Variants in AKT3 observed in about 807,000 individuals in gnomAD.
AKT3 encodes the protein AKT serine/threonine kinase 3.
AKT3 carries 15 observed loss-of-function variants against 65.3 expected under a neutral mutation model. That is an observed-to-expected ratio of 0.23 (90% CI 0.15 to 0.35). The LOEUF (loss-of-function observed/expected upper bound fraction) is 0.35. Among genes scored for constraint, AKT3 ranks in the 10% least tolerant of loss-of-function variants. The pLI is 1.00. For missense variants in AKT3, 243 were observed against 576.5 expected, an observed-to-expected ratio of 0.42 and a Z score of 5.92; for synonymous variants, 206 against 183.8, an observed-to-expected ratio of 1.12 and a Z score of -0.98.
At chr1:243,710,442 T>C (rs1478780767) in intron 2 of AKT3, among the ~76,000 whole-genome samples, 1 of 152,190 alleles carries the variant, frequency 6.6e-6, no homozygotes, top group Non-Finnish European at 1.5e-5. Context: ...TAGCACTCCA[T>C]TCAAAAGTGA....
intron 10 of AKT3, among the ~76,000 whole-genome samples, chr1:243,555,518 C>G (rs576993457): frequency 2.6e-5 from 4 of 152,124 alleles, no homozygotes. Context: ...GACAATTTTT[C>G]TCCCTCTACT....
chr1:243,500,165 G>T lies in AKT3; in HGVS notation c.*5084C>A. On this transcript the variant is annotated 3_prime_UTR_variant, in exon 14 of 14. Coordinates refer to ENST00000673466, the MANE Select transcript of AKT3 (RefSeq NM_005465.7). ...ACCAAAAAGGCACATATTTTAACTA[G>T]GCCAAAGTATATTAAGGACCAAACT... The T allele has an allele frequency of 3.5e-6, 1 of 286,202 alleles. No individual in the cohort carries two copies. The highest frequency in any genetic ancestry group is 6.6e-6 in the Non-Finnish European group (1 of 150,876). 17.7% of individuals were successfully genotyped at this position (286,202 alleles called of 1,614,324 possible).
chr1:243,574,602 T>C (rs1352053199), intron 8 of AKT3, among the ~76,000 whole-genome samples: 2 of 152,172 alleles, frequency 1.3e-5, no homozygotes, highest in African/African-American at 4.8e-5. Flanking sequence ...ATACAGTATG[T>C]GAAAAATCAA....
intron 13 of AKT3, among the ~76,000 whole-genome samples, chr1:243,509,753 T>C (rs1669905187): frequency 6.6e-6 from 1 of 151,750 alleles, no homozygotes; most frequent in South Asian, 2.1e-4. Context: ...GAAAATAGGG[T>C]GATTCAAATT....
chr1:243,665,028 C>T (rs1256592136), intron 3 of AKT3, 145 bp from the exon 4 acceptor site: 1 of 383,012 alleles, frequency 2.6e-6, no homozygotes, highest in Non-Finnish European at 4.6e-6. Flanking sequence ...TTATTTACAG[C>T]CTGACCTTAG....
intron 8 of AKT3, among the ~76,000 whole-genome samples, chr1:243,596,546 C>T (rs1309946998): frequency 1.3e-5 from 2 of 152,190 alleles, no homozygotes; most frequent in Non-Finnish European, 2.9e-5. Context: ...TACTCCCACA[C>T]ACTCGTTAGA....
chr1:243,513,137 G>A (rs1386015195), intron 12 of AKT3, among the ~76,000 whole-genome samples: 1 of 152,188 alleles, frequency 6.6e-6, no homozygotes, highest in Non-Finnish European at 1.5e-5. Context: ...TAGGGAAGGT[G>A]GGGGTGGAAG....
intron 2 of AKT3, among the ~76,000 whole-genome samples, chr1:243,761,690 C>T (rs867453739): frequency 6.6e-6 from 1 of 152,098 alleles, no homozygotes; most frequent in Admixed American, 6.5e-5. Flanking sequence ...CATTTAAACA[C>T]ATTAAATGAC....
chr1:243,633,386 T>C (rs966339488), intron 6 of AKT3, among the ~76,000 whole-genome samples: 15 of 152,198 alleles, frequency 9.9e-5, no homozygotes, highest in South Asian at 2.1e-4. Flanking sequence ...GTTTGTGTTG[T>C]AATACCACTT....
intron 12 of AKT3, among the ~76,000 whole-genome samples, chr1:243,531,439 G>A (rs1671520563): frequency 6.6e-6 from 1 of 152,086 alleles, no homozygotes; most frequent in Non-Finnish European, 1.5e-5. Flanking sequence ...AGCAAATATT[G>A]TCCTGAAGTT....
chr1:243,575,504 A>G (rs1674873893), intron 8 of AKT3, among the ~76,000 whole-genome samples: 1 of 152,206 alleles, frequency 6.6e-6, no homozygotes, highest in Admixed American at 6.5e-5. Flanking sequence ...TATATCAATC[A>G]TAACTCAATA....
intron 12 of AKT3, among the ~76,000 whole-genome samples, chr1:243,529,496 C>T (rs992514403): frequency 2.0e-5 from 3 of 151,962 alleles, no homozygotes; most frequent in Non-Finnish European, 4.4e-5. Context: ...GTCCAGTTTC[C>T]ACCTTCTCTG....
chr1:243,574,209 G>A (rs1674772957), intron 8 of AKT3, among the ~76,000 whole-genome samples: 1 of 151,946 alleles, frequency 6.6e-6, no homozygotes, highest in African/African-American at 2.4e-5. Context: ...ATTATTTCAA[G>A]TAACATAAAA....
chr1:243,753,615 T>C (rs1274409074), intron 2 of AKT3, among the ~76,000 whole-genome samples: 2 of 152,220 alleles, frequency 1.3e-5, no homozygotes, highest in Non-Finnish European at 2.9e-5. Context: ...TACTGTTCTT[T>C]TGTACCTCAA....
chr1:243,674,601 T>C (rs1301346138), intron 3 of AKT3, among the ~76,000 whole-genome samples: 4 of 152,200 alleles, frequency 2.6e-5, no homozygotes, highest in African/African-American at 9.6e-5. Context: ...AAGTAGTCTC[T>C]TTAATAAGTG....
chr1:243,722,164 C>G (rs768220444), intron 2 of AKT3, among the ~76,000 whole-genome samples: 4 of 152,054 alleles, frequency 2.6e-5, no homozygotes, highest in African/African-American at 7.2e-5. Context: ...ACATTAAGAA[C>G]AATTCATATA....
chr1:243,702,928 T>A (rs1441509574), intron 2 of AKT3: 1 of 152,182 alleles, frequency 6.6e-6, no homozygotes, highest in Non-Finnish European at 1.5e-5. Context: ...TTATGAATTT[T>A]CAAAGAGCAG....
chr1:243,710,807 G>T (rs1686097296), intron 2 of AKT3, among the ~76,000 whole-genome samples: 1 of 152,056 alleles, frequency 6.6e-6, no homozygotes, highest in Non-Finnish European at 1.5e-5. Flanking sequence ...AGCTTAATTA[G>T]TTTCTTCATC....
At chr1:243,499,650 C>CCAA (rs1231459714), downstream of AKT3, 4 of 933,054 alleles carry the variant, frequency 4.3e-6, no homozygotes, top group African/African-American at 6.6e-5. Flanking sequence ...GTTTTTTTCT[C>CCAA]CAACAACAGT....
Sources: allele counts gnomAD v4.1 joint callset (sites outside exome capture counted in the v4.1 genomes callset), GRCh38; gene constraint gnomAD v4.1.1; transcripts MANE v1.5; gene names NCBI Gene and HGNC (gene_info 2026-07-23, HGNC 2026-07-21).